The following ERP44 variants were observed in gnomAD, a reference collection of about 807,000 sequenced individuals.
The protein encoded by ERP44 is endoplasmic reticulum resident protein 44.
A neutral mutation model predicts 53.4 loss-of-function variants in ERP44; 25 were observed. The ratio of observed to expected loss-of-function variants is 0.47; its 90% CI spans 0.34 to 0.65. The LOEUF (loss-of-function observed/expected upper bound fraction) is 0.65, where lower values mean the gene tolerates loss of function less well. Among genes scored for constraint, ERP44 ranks in the 30% least tolerant of loss-of-function variants. ERP44 has a pLI of 0.01. For synonymous variants in ERP44, 145 were observed against 161.2 expected, an observed-to-expected ratio of 0.90 and a Z score of 0.76; for missense variants, 338 against 493.2, an observed-to-expected ratio of 0.69 and a Z score of 2.98.
chr9:100,032,014 C>T (rs149521742), intron 4 of ERP44, among the ~76,000 whole-genome samples: 15 of 152,264 alleles, frequency 9.9e-5, no homozygotes, highest in African/African-American at 3.6e-4. Flanking sequence ...TGACTCTGCA[C>T]TTTTGGATTA....
chr9:100,036,951 C>T (rs1825853044), intron 4 of ERP44, among the ~76,000 whole-genome samples: 1 of 152,072 alleles, frequency 6.6e-6, no homozygotes, highest in Admixed American at 6.5e-5. Flanking sequence ...CAGAAAGCTC[C>T]ACCAATTGTC....
At position 99,980,511 on chromosome 9, in the gene ERP44, C is replaced by T. The variant is rs1312799433; in HGVS notation, c.*2101G>A. 6.5e-6 allele frequency: 1 copy of T among 153,248 alleles called. No individual in the cohort carries two copies. Among genetic ancestry groups the T allele is most frequent in the African/African-American group, 2.4e-5 (1 of 41,478 alleles). The allele number at this position is 153,248 out of a possible 1,614,324, so 9.5% of individuals were successfully genotyped here. ...TAAAAACCTTTTTATCCACGCTGTC[C>T]TTTCATCCAAGCACTTGAGCTTAGT... On this transcript the variant is annotated 3_prime_UTR_variant, in exon 12 of 12. Coordinates refer to ENST00000262455, the MANE Select transcript of ERP44 (RefSeq NM_015051.3).
chr9:100,068,670 G>C (rs1222836602), intron 1 of ERP44, among the ~76,000 whole-genome samples: 2 of 143,118 alleles, frequency 1.4e-5, no homozygotes, highest in Admixed American at 1.4e-4. Context: ...GGAGGTGGGG[G>C]AGTCAACCCC....
At position 99,981,326 on chromosome 9, in the gene ERP44, ATTAATT is replaced by A. The variant is rs1222816138; in HGVS notation, c.*1280_*1285del. On this transcript the variant is annotated 3_prime_UTR_variant, in exon 12 of 12. Coordinates refer to ENST00000262455, the MANE Select transcript of ERP44 (RefSeq NM_015051.3). ...CAATCATTAAATATCCATTATAAAT[ATTAATT>A]TTATTTTAAAAGAATTGGAAGATGT... 3.3e-5 allele frequency: 5 copies of A among 152,722 alleles called. No individual in the cohort carries two copies. The highest frequency in any genetic ancestry group is 4.1e-4 in the South Asian group (2 of 4,830). 9.5% of individuals were successfully genotyped at this position (152,722 alleles called of 1,614,324 possible).
At chr9:100,050,038 GAA>G (rs35771600) in intron 4 of ERP44, among the ~76,000 whole-genome samples, 16 of 138,452 alleles carry the variant, frequency 1.2e-4, no homozygotes, top group Middle Eastern at 3.9e-3. Flanking sequence ...ACTAAGTCCA[GAA>G]AAAAAAAAAA....
rs1830133064 is a variant in ERP44, at chr9:99,980,131, G to A, written c.*2481C>T. 2.5e-6 allele frequency: 1 copy of A among 398,158 alleles called. No individual in the cohort carries two copies. Among genetic ancestry groups the A allele is most frequent in the Non-Finnish European group, 4.4e-6 (1 of 225,894 alleles). 24.7% of individuals were successfully genotyped at this position (398,158 alleles called of 1,614,324 possible). On this transcript the variant is annotated 3_prime_UTR_variant, in exon 12 of 12. Transcript: ENST00000262455. ...TTTTAAAGCTCAAAATAAAAATAAT[G>A]TCCTCAAATCTCTGCAATTGAGTGC...
At chr9:100,031,090 A>G (rs1222587618) in intron 4 of ERP44, among the ~76,000 whole-genome samples, 1 of 152,198 alleles carries the variant, frequency 6.6e-6, no homozygotes, top group African/African-American at 2.4e-5. Context: ...GTCATAAAGA[A>G]GAATACCTTT....
At chr9:100,027,666 T>G (rs1338328814) in intron 4 of ERP44, among the ~76,000 whole-genome samples, 3 of 152,222 alleles carry the variant, frequency 2.0e-5, no homozygotes, top group Non-Finnish European at 4.4e-5. Context: ...AATGGTCACT[T>G]ACTTTTCCTT....
At chr9:100,074,479 C>T (rs951904598) in intron 1 of ERP44, among the ~76,000 whole-genome samples, 6 of 152,122 alleles carry the variant, frequency 3.9e-5, no homozygotes, top group Admixed American at 1.3e-4. Context: ...ACTTGTAGGT[C>T]GAATGGACAA....
intron 1 of ERP44, among the ~76,000 whole-genome samples, chr9:100,065,487 C>CA (rs527472275): frequency 3.3e-4 from 50 of 150,294 alleles, no homozygotes; most frequent in East Asian, 2.3e-3. Flanking sequence ...ATTCTCACAA[C>CA]AAAAAAAAAT....
At chr9:100,005,547 C>T (rs981239499) in intron 10 of ERP44, among the ~76,000 whole-genome samples, 5 of 152,182 alleles carry the variant, frequency 3.3e-5, no homozygotes, top group African/African-American at 9.7e-5. Context: ...CATTATTTCT[C>T]ATTAGTTTTT....
rs1830578139 is a variant in ERP44 at position 100,020,665 on chromosome 9, G to A, written c.538C>T (p.Arg180Ter). ...KDSDNYRVFE[R>*]VANILHDDCA... is the part of the protein sequence containing the mutation. ...TCATCATGCAAAATATTCGCTACTC[G>A]TTCAAAAACTCTATAGTTGTCCGAG... The change falls in exon 6 of 12, where the codon CGA becomes TGA. Residue 180 changes from arginine (R) to a stop codon, truncating the protein, a stop_gained. Transcript: ENST00000262455. LOFTEE classifies it high-confidence loss of function. 3 of 1,610,592 alleles carry A rather than the reference G, an allele frequency of 1.9e-6. No individual in the cohort carries two copies. The highest frequency in any genetic ancestry group is 1.7e-5 in the Admixed American group (1 of 59,890).
intron 1 of ERP44, among the ~76,000 whole-genome samples, chr9:100,069,797 A>G (rs1231101861): frequency 4.6e-5 from 7 of 152,212 alleles, no homozygotes; most frequent in African/African-American, 1.2e-4. Context: ...TGGACAAATA[A>G]AAAGAAACAA....
intron 4 of ERP44, among the ~76,000 whole-genome samples, chr9:100,025,935 G>A (rs1263557332): frequency 1.3e-5 from 2 of 152,096 alleles, no homozygotes; most frequent in Admixed American, 6.6e-5. Flanking sequence ...TGGTCCTACT[G>A]CAACAACTAG....
At chr9:100,014,691 A>G (rs1830511675) in intron 8 of ERP44, among the ~76,000 whole-genome samples, 2 of 152,204 alleles carry the variant, frequency 1.3e-5, no homozygotes, top group South Asian at 2.1e-4. Flanking sequence ...AGCCACGCTC[A>G]TTTGTTTACA....
rs369542223 is a variant in ERP44 at position 99,993,896 on chromosome 9, A to G, written c.1017-8827T>C. Among the ~76,000 whole-genome samples the G allele has an allele frequency of 2.6e-5, 4 of 152,370 alleles. No homozygotes were observed. The East Asian group carries it at 5.8e-4, about 22-fold the overall frequency. The stretch of plus-strand genomic sequence containing the variant: ...AGGTATTTATGCAGCCAACAGGCAC[A>G]TGAAAAAATGCTCATCATCACTGGC... On this transcript the variant is annotated intron_variant, in intron 10 of 11. Transcript: ENST00000262455.
chr9:99,986,453 CTT>C (rs1830196516), intron 10 of ERP44, among the ~76,000 whole-genome samples: 1 of 152,034 alleles, frequency 6.6e-6, no homozygotes, highest in South Asian at 2.1e-4. Context: ...AATAGAAACA[CTT>C]TTTCATTCTG....
At chr9:100,000,278 T>TA (rs909609628) in intron 10 of ERP44, among the ~76,000 whole-genome samples, 38 of 148,160 alleles carry the variant, frequency 2.6e-4, no homozygotes, top group East Asian at 9.8e-4. Context: ...CTATAAAAAG[T>TA]AAAAAAAAAA....
chr9:99,998,985 G>T, intron 10 of ERP44: 1 of 1,346,224 alleles, frequency 7.4e-7, no homozygotes, highest in Non-Finnish European at 1.1e-6. Context: ...TCAGGTCGGC[G>T]GCAAAGAACT....
Sources: gnomAD v4.1 joint callset for allele counts (sites outside exome capture counted in the v4.1 genomes callset) on GRCh38, gnomAD v4.1.1 for gene constraint, MANE v1.5 for transcripts, NCBI Gene and HGNC (gene_info 2026-07-23, HGNC 2026-07-21) for gene names.